Variants in CTNND2 observed in about 807,000 individuals in gnomAD.
CTNND2 encodes catenin delta-2.
A neutral mutation model predicts 144.4 loss-of-function variants in CTNND2; 22 were observed. The observed-to-expected ratio is 0.15, with a 90% CI of 0.11 to 0.22. The LOEUF (loss-of-function observed/expected upper bound fraction) is 0.22. Ranked by LOEUF, CTNND2 falls within the 10% of genes least tolerant of loss-of-function variation. The probability of loss-of-function intolerance (pLI) is 1.00; values close to 1 mark genes in which losing one functional copy is unlikely to be tolerated. For missense variants in CTNND2, 1,353 were observed against 1,618.8 expected, an observed-to-expected ratio of 0.84 and a Z score of 2.82; for synonymous variants, 751 against 695.6, an observed-to-expected ratio of 1.08 and a Z score of -1.25.
chr5:11,243,339 C>T (rs1742648422), intron 9 of CTNND2, among the ~76,000 whole-genome samples: 1 of 152,182 alleles, frequency 6.6e-6, no homozygotes, highest in African/African-American at 2.4e-5. Context: ...GAGGTGCTCA[C>T]TGTGTAGATG....
chr5:11,374,264 A>T (rs575448572), intron 7 of CTNND2, among the ~76,000 whole-genome samples: 1 of 152,200 alleles, frequency 6.6e-6, no homozygotes, highest in Non-Finnish European at 1.5e-5. Flanking sequence ...TGAAATTTTG[A>T]ATTTGTAATA....
At chr5:11,601,356 A>G (rs1210767444) in intron 2 of CTNND2, among the ~76,000 whole-genome samples, 8 of 152,280 alleles carry the variant, frequency 5.3e-5, no homozygotes, top group African/African-American at 1.2e-4. Context: ...AATTCTATGG[A>G]AAATGATGTA....
intron 16 of CTNND2, among the ~76,000 whole-genome samples, chr5:11,052,236 G>C (rs547765175): frequency 4.6e-5 from 7 of 152,194 alleles, no homozygotes; most frequent in Middle Eastern, 3.4e-3. Flanking sequence ...TTTCCATGAT[G>C]AAACAGAGCA....
chr5:11,592,052 C>T (rs1779268065), intron 2 of CTNND2, among the ~76,000 whole-genome samples: 1 of 151,310 alleles, frequency 6.6e-6, no homozygotes, highest in Non-Finnish European at 1.5e-5. Flanking sequence ...CTCCTGTGTC[C>T]CCTCATGTCT....
At chr5:11,884,517 T>C (rs891953862) in intron 1 of CTNND2, among the ~76,000 whole-genome samples, 2 of 152,338 alleles carry the variant, frequency 1.3e-5, no homozygotes, top group East Asian at 3.9e-4. Flanking sequence ...GAGGCCACTG[T>C]TCTGTTCCAT....
At chr5:11,224,525 T>C (rs1740125389) in intron 10 of CTNND2, among the ~76,000 whole-genome samples, 1 of 152,236 alleles carries the variant, frequency 6.6e-6, no homozygotes, top group African/African-American at 2.4e-5. Flanking sequence ...CATATCTTTT[T>C]GAAATAGGAA....
intron 7 of CTNND2, among the ~76,000 whole-genome samples, chr5:11,373,455 G>A (rs888090664): frequency 2.6e-5 from 4 of 152,156 alleles, no homozygotes; most frequent in African/African-American, 4.8e-5. Context: ...ATTCTGGAGA[G>A]GCAAGTATCT....
intron 16 of CTNND2, among the ~76,000 whole-genome samples, chr5:11,026,356 C>CTTTTTTTTTT: frequency 8.5e-6 from 1 of 117,040 alleles, no homozygotes; most frequent in South Asian, 2.8e-4. Flanking sequence ...CCTTCTTCTT[C>CTTTTTTTTTT]TTTTTTTTTT....
At chr5:11,608,153 C>G (rs1418268272) in intron 2 of CTNND2, among the ~76,000 whole-genome samples, 2 of 152,122 alleles carry the variant, frequency 1.3e-5, no homozygotes, top group Non-Finnish European at 2.9e-5. Context: ...ATGAAGAGTC[C>G]TGTTAGATTC....
At chr5:11,621,889 G>A (rs920233190) in intron 2 of CTNND2, among the ~76,000 whole-genome samples, 11 of 152,186 alleles carry the variant, frequency 7.2e-5, no homozygotes, top group African/African-American at 2.7e-4. Flanking sequence ...TCTATAAGCT[G>A]TCTTGAAGCA....
chr5:11,785,172 A>G (rs1790761833), intron 1 of CTNND2, among the ~76,000 whole-genome samples: 1 of 152,228 alleles, frequency 6.6e-6, no homozygotes, highest in Admixed American at 6.5e-5. Flanking sequence ...GTTATTGTGT[A>G]TATTGGTAAT....
intron 16 of CTNND2, among the ~76,000 whole-genome samples, chr5:11,052,965 CA>C (rs1439904692): frequency 6.6e-6 from 1 of 152,014 alleles, no homozygotes; most frequent in African/African-American, 2.4e-5. Flanking sequence ...TGTATTAGAA[CA>C]AATAAGACTT....
intron 7 of CTNND2, among the ~76,000 whole-genome samples, chr5:11,367,978 T>C (rs1420840399): frequency 1.3e-5 from 2 of 152,216 alleles, no homozygotes; most frequent in African/African-American, 4.8e-5. Flanking sequence ...AATAGGGTTT[T>C]GCTCTTCCTA....
At chr5:11,657,474 G>A (rs1782974575) in intron 2 of CTNND2, among the ~76,000 whole-genome samples, 1 of 151,416 alleles carries the variant, frequency 6.6e-6, no homozygotes, top group Non-Finnish European at 1.5e-5. Context: ...TCTCCTTCCT[G>A]CCTTCATTTC....
intron 12 of CTNND2, among the ~76,000 whole-genome samples, chr5:11,149,408 T>C (rs1345972311): frequency 6.6e-6 from 1 of 152,208 alleles, no homozygotes; most frequent in Non-Finnish European, 1.5e-5. Context: ...AGGACTATTA[T>C]GGAAAATTAT....
intron 2 of CTNND2, among the ~76,000 whole-genome samples, chr5:11,585,149 T>A (rs1778746473): frequency 6.6e-6 from 1 of 152,070 alleles, no homozygotes; most frequent in African/African-American, 2.4e-5. Flanking sequence ...CCACCCTGTT[T>A]AAGGTTGTTT....
chr5:11,356,154 C>A (rs764883345), intron 8 of CTNND2, among the ~76,000 whole-genome samples: 7 of 151,898 alleles, frequency 4.6e-5, no homozygotes, highest in Non-Finnish European at 8.8e-5. Flanking sequence ...ACAATCCCTA[C>A]CAAAATACCA....
Position 11,700,523 on chromosome 5 carries a change from G to C in CTNND2, c.174+31613C>G, listed in dbSNP as rs141180753. Among the ~76,000 whole-genome samples the C allele has an allele frequency of 4.2e-3, 638 of 152,246 alleles. 9 individuals are homozygous for C. The highest frequency in any genetic ancestry group is 0.015 in the African/African-American group (618 of 41,546). ...AAAGCCCTACTTGGTTGTATTCAGC[G>C]TGCTGGGGGAGTAAGCCATGGTGAG... On this transcript the variant is annotated intron_variant, in intron 2 of 21. Transcript: ENST00000304623.
At chr5:11,799,185 C>T (rs1245506554) in intron 1 of CTNND2, among the ~76,000 whole-genome samples, 1 of 152,152 alleles carries the variant, frequency 6.6e-6, no homozygotes, top group Non-Finnish European at 1.5e-5. Context: ...ATTTGTTCAT[C>T]GTTTTAAAAC....
Sources: gnomAD v4.1 joint callset for allele counts (sites outside exome capture counted in the v4.1 genomes callset) on GRCh38, gnomAD v4.1.1 for gene constraint, MANE v1.5 for transcripts, NCBI Gene and HGNC (gene_info 2026-07-23, HGNC 2026-07-21) for gene names.